TBX5: variants seen among roughly 807,000 people sequenced by gnomAD.
TBX5 encodes the protein T-box transcription factor TBX5.
Under a neutral mutation model 51.1 loss-of-function variants are expected in TBX5, and 8 were observed. The observed-to-expected ratio is 0.16, with a 90% CI of 0.09 to 0.28. The LOEUF (loss-of-function observed/expected upper bound fraction) is 0.28. Among genes scored for constraint, TBX5 ranks in the 10% least tolerant of loss-of-function variants. The pLI, the probability that TBX5 is intolerant of heterozygous loss-of-function variation, is 1.00. For missense variants in TBX5, 589 were observed against 671.7 expected (o/e 0.88, Z 1.36); for synonymous variants, 302 against 266.4 (o/e 1.13, Z -1.30).
upstream of TBX5, chr12:114,408,361 G>C (rs76464487): frequency 2.6e-3 from 775 of 292,480 alleles, 8 homozygotes; most frequent in African/African-American, 0.017. Flanking sequence ...TCTTCACGAA[G>C]GGAGGTGGGA....
intron 7 of TBX5, among the ~76,000 whole-genome samples, chr12:114,374,855 T>C (rs1870105850): frequency 6.6e-6 from 1 of 152,140 alleles, no homozygotes; most frequent in African/African-American, 2.4e-5. Flanking sequence ...CAATTTAATT[T>C]GAAATGCATC....
At chr12:114,377,469 C>T (rs1334276871) in intron 7 of TBX5, among the ~76,000 whole-genome samples, 1 of 152,086 alleles carries the variant, frequency 6.6e-6, no homozygotes, top group Non-Finnish European at 1.5e-5. Context: ...CAGCTCACTG[C>T]TGCCTCAAAC....
intron 8 of TBX5, among the ~76,000 whole-genome samples, chr12:114,365,829 C>CAAAAAAAAAAAAA (rs56315440): frequency 4.8e-5 from 6 of 124,598 alleles, no homozygotes; most frequent in African/African-American, 6.0e-5. Flanking sequence ...GATCCTGTCT[C>CAAAAAAAAAAAAA]AAAAAAAAAA....
chr12:114,382,442 T>A (rs1010554878), intron 7 of TBX5, among the ~76,000 whole-genome samples: 1 of 152,172 alleles, frequency 6.6e-6, no homozygotes, highest in African/African-American at 2.4e-5. Context: ...GGCAGGTAGA[T>A]CACTTGAGTC....
chr12:114,355,304 TG>T lies in TBX5; in HGVS notation c.*227del, dbSNP rs1458706994. ...GGGGTGGGACTCATCTTTTTGTGTT[TG>T]TTTTTTTAAGTTTTGAGACAAAACA... is the stretch of plus-strand genomic sequence containing the variant. On this transcript the variant is annotated 3_prime_UTR_variant, in exon 9 of 9. Transcript: ENST00000405440. 164 of 647,304 alleles carry T rather than the reference TG, an allele frequency of 2.5e-4. No individual in the cohort carries two copies. Among genetic ancestry groups the T allele is most frequent in the Middle Eastern group, 2.5e-3 (6 of 2,398 alleles). 40.1% of individuals were successfully genotyped at this position (647,304 alleles called of 1,614,324 possible). A position where few individuals can be genotyped will look rare whatever the true frequency, so the allele number is the denominator to read the frequency against.
At chr12:114,361,536 T>C (rs1013956627) in intron 8 of TBX5, among the ~76,000 whole-genome samples, 5 of 152,154 alleles carry the variant, frequency 3.3e-5, no homozygotes, top group Non-Finnish European at 7.4e-5. Flanking sequence ...CCTTCCCAGC[T>C]TTTTTGGCTC....
In TBX5 at chr12:114,366,215, T is replaced by C; in HGVS notation, c.932A>G (p.Tyr311Cys). Residue 311 changes from tyrosine to cysteine, a missense_variant, in exon 8 of 9, where the codon TAC (tyrosine) becomes TGC (cysteine). By Grantham distance (194) the Tyr-to-Cys change is radical. This residue lies in a region of TBX5 where 348 missense variants were observed against 360.4 expected (regional missense o/e 0.97). Coordinates refer to ENST00000405440, the MANE Select transcript of TBX5 (RefSeq NM_181486.4). ...SQDLLPPPNP[Y>C]PLPQEHSQIY... is the part of the protein sequence containing the mutation. Reference sequence around the variant, plus strand: ...TTGGCTATGCTCCTGGGGCAGTGGGTATGGGTTGGGTGGAGGCAGGAGGTC... The same window carrying C: ...TTGGCTATGCTCCTGGGGCAGTGGGCATGGGTTGGGTGGAGGCAGGAGGTC... 2.5e-6 allele frequency: 4 copies of C among 1,613,796 alleles called. No individual in the cohort carries two copies. Among genetic ancestry groups the C allele is most frequent in the Non-Finnish European group, 3.4e-6 (4 of 1,179,942 alleles).
At position 114,405,765 on chromosome 12, in the gene TBX5, C is replaced by T. The variant is rs1247890433; in HGVS notation, c.-176G>A. The T allele has an allele frequency of 2.0e-6, 2 of 985,444 alleles. No individual in the cohort carries two copies. The highest frequency in any genetic ancestry group is 2.4e-6 in the Non-Finnish European group (2 of 830,040). 61.0% of individuals were successfully genotyped at this position (985,444 alleles called of 1,614,324 possible). On this transcript the variant is annotated 5_prime_UTR_variant, in exon 1 of 9. Transcript: ENST00000405440. ...TGCTTACCCAGAATAGCGGCTACTGCTGCCTACTAGGGCGCACCTACCGCT... is the reference window on the plus strand; with the variant it reads ...TGCTTACCCAGAATAGCGGCTACTGTTGCCTACTAGGGCGCACCTACCGCT...
At chr12:114,369,815 A>T (rs1300047516) in intron 7 of TBX5, among the ~76,000 whole-genome samples, 1 of 149,404 alleles carries the variant, frequency 6.7e-6, no homozygotes, top group Non-Finnish European at 1.5e-5. Flanking sequence ...TTTTTTAATC[A>T]TCATCATCAT....
chr12:114,379,205 A>T (rs913971312), intron 7 of TBX5, among the ~76,000 whole-genome samples: 3 of 152,190 alleles, frequency 2.0e-5, no homozygotes, highest in Non-Finnish European at 4.4e-5. Flanking sequence ...TGACCCACCA[A>T]TCACAGACAA....
chr12:114,403,616 A>T (rs1318088777), intron 2 of TBX5, 136 bp downstream of exon 2: 1 of 1,318,774 alleles, frequency 7.6e-7, no homozygotes, highest in Non-Finnish European at 1.0e-6. Context: ...AGGAAAAGGG[A>T]TGATTATAGT....
At chr12:114,390,438 G>A (rs965213607) in intron 6 of TBX5, among the ~76,000 whole-genome samples, 6 of 152,218 alleles carry the variant, frequency 3.9e-5, no homozygotes, top group South Asian at 4.1e-4. Context: ...CCGGATATCC[G>A]GGAGAGATTT....
chr12:114,380,952 T>C (rs1870472673), intron 7 of TBX5, among the ~76,000 whole-genome samples: 3 of 152,144 alleles, frequency 2.0e-5, no homozygotes, highest in African/African-American at 7.2e-5. Context: ...GATTAACCTT[T>C]CTAAATAAAC....
At chr12:114,371,408 T>C (rs1229716694) in intron 7 of TBX5, among the ~76,000 whole-genome samples, 2 of 152,038 alleles carry the variant, frequency 1.3e-5, no homozygotes, top group African/African-American at 4.8e-5. Flanking sequence ...ATGACGCCAT[T>C]GTCGCTGGGT....
intron 7 of TBX5, among the ~76,000 whole-genome samples, chr12:114,367,319 C>T (rs1354872974): frequency 2.0e-5 from 3 of 151,962 alleles, no homozygotes; most frequent in East Asian, 3.9e-4. Context: ...AATTCAGGCC[C>T]CATCCCTATC....
chr12:114,400,585 G>T (rs1227830617), intron 3 of TBX5, among the ~76,000 whole-genome samples: 1 of 152,202 alleles, frequency 6.6e-6, no homozygotes, highest in African/African-American at 2.4e-5. Flanking sequence ...CTCTCCCTCC[G>T]AGCCCCGGAG....
intron 7 of TBX5, among the ~76,000 whole-genome samples, chr12:114,376,683 A>G (rs968315929): frequency 9.9e-5 from 15 of 151,010 alleles, no homozygotes; most frequent in Admixed American, 9.3e-4. Context: ...TATATACACA[A>G]GAAAATAAAA....
intron 7 of TBX5, among the ~76,000 whole-genome samples, chr12:114,380,726 C>T (rs563250528): frequency 6.6e-5 from 10 of 152,180 alleles, no homozygotes; most frequent in East Asian, 1.9e-4. Context: ...CTACTTCAGA[C>T]GCTAAGGCAG....
intron 6 of TBX5, among the ~76,000 whole-genome samples, chr12:114,389,551 G>A (rs1348488216): frequency 5.3e-5 from 8 of 149,870 alleles, no homozygotes; most frequent in African/African-American, 2.0e-4. Context: ...TCAGGAGATC[G>A]AGACCATCCC....
Sources: allele counts gnomAD v4.1 joint callset (sites outside exome capture counted in the v4.1 genomes callset), GRCh38; gene constraint gnomAD v4.1.1; regional missense constraint gnomAD v4.1.1; transcripts MANE v1.5; gene names NCBI Gene and HGNC (gene_info 2026-07-23, HGNC 2026-07-21).